Variants in LRCH3 observed in about 807,000 individuals in gnomAD.
LRCH3 encodes the protein DISP complex protein LRCH3.
LRCH3 carries 68 observed loss-of-function variants against 104.5 expected under a neutral mutation model. The observed-to-expected ratio is 0.65, with a 90% CI of 0.54 to 0.80. The LOEUF is 0.80. LRCH3 is among the 30% of genes least tolerant of loss of function. The pLI is 0.00. For synonymous variants in LRCH3, 344 were observed against 361.3 expected, an observed-to-expected ratio of 0.95 and a Z score of 0.54; for missense variants, 951 against 953.9, an observed-to-expected ratio of 1.00 and a Z score of 0.04.
intron 5 of LRCH3, among the ~76,000 whole-genome samples, chr3:197,828,703 CTTTTTTTTTTT>C: frequency 8.9e-6 from 1 of 112,836 alleles, no homozygotes; most frequent in African/African-American, 3.4e-5. Flanking sequence ...ATATGTTACT[CTTTTTTTTTTT>C]TTTTTTTTTT....
At chr3:197,853,221 A>G (rs1431747140) in intron 13 of LRCH3, among the ~76,000 whole-genome samples, 1 of 151,280 alleles carries the variant, frequency 6.6e-6, no homozygotes, top group Non-Finnish European at 1.5e-5. Flanking sequence ...ACAGAGTCTC[A>G]CTTTGTCACC....
In LRCH3 at chr3:197,847,994, G is replaced by A; in HGVS notation, c.1503G>A (p.Gln501=). ...AGAAAATAAGGACCAAGCAGATCCA[G>A]AGAGATGCTGTCCTGGACTTTGTCA... ...EEEKIRTKQI[Q]RDAVLDFVKQ... Residue 501 remains glutamine (Q), a synonymous_variant, in exon 12 of 21, where the codon CAG becomes CAA. Transcript: ENST00000425562. The A allele has an allele frequency of 1.2e-6, 2 of 1,614,172 alleles. No homozygotes were observed. Among genetic ancestry groups the A allele is most frequent in the Non-Finnish European group, 1.7e-6 (2 of 1,180,020 alleles).
At chr3:197,792,792 C>G (rs1730767545) in intron 1 of LRCH3, among the ~76,000 whole-genome samples, 1 of 150,842 alleles carries the variant, frequency 6.6e-6, no homozygotes, top group Non-Finnish European at 1.5e-5. Context: ...GCTGGGACTA[C>G]AGGCGCCCGC....
intron 13 of LRCH3, 81 bp downstream of exon 13, chr3:197,852,701 T>C: frequency 7.2e-7 from 1 of 1,396,892 alleles, no homozygotes; most frequent in Non-Finnish European, 1.0e-6. Flanking sequence ...ATTGTCATGT[T>C]TTCAGTGCTC....
At chr3:197,840,792 A>G (rs535020958) in intron 10 of LRCH3, among the ~76,000 whole-genome samples, 1 of 152,306 alleles carries the variant, frequency 6.6e-6, no homozygotes, top group South Asian at 2.1e-4. Context: ...TAAATTTGAT[A>G]TGCTTTGAAA....
intron 20 of LRCH3, among the ~76,000 whole-genome samples, chr3:197,879,958 T>C (rs916564516): frequency 7.0e-6 from 1 of 142,798 alleles, no homozygotes; most frequent in Admixed American, 6.7e-5. Context: ...TTTTTTTTTT[T>C]TTTTTGAGAC....
chr3:197,840,622 A>T (rs1427398391), intron 10 of LRCH3, among the ~76,000 whole-genome samples: 1 of 152,198 alleles, frequency 6.6e-6, no homozygotes, highest in Admixed American at 6.5e-5. Context: ...TGGTACACCT[A>T]TTCTTAAGTG....
At chr3:197,835,632 CTGGTGTGTGTGTGTGTGT>C (rs1736675428) in intron 8 of LRCH3, 24 bp from the exon 9 acceptor site, 1 of 1,404,460 alleles carries the variant, frequency 7.1e-7, no homozygotes, top group African/African-American at 1.5e-5. Context: ...ATGTTTTTTT[CTGGTGTGTGTGTGTGTGT>C]GGGTGTGTGT....
At chr3:197,808,514 C>A (rs1732754616) in intron 1 of LRCH3, among the ~76,000 whole-genome samples, 2 of 152,306 alleles carry the variant, frequency 1.3e-5, no homozygotes, top group African/African-American at 4.8e-5. Context: ...CAGACTCTCT[C>A]AGTTTTCATT....
Position 197,824,712 on chromosome 3 carries a change from T to C in LRCH3, c.641-2166T>C, listed in dbSNP as rs553217908. 3.5e-4 allele frequency among the ~76,000 whole-genome samples: 53 copies of C among 150,660 alleles called. 3 individuals carry two copies. The East Asian group carries it at 9.6e-3, about 27-fold the overall frequency. Reference sequence around the variant, plus strand: ...TCAGCCTCCCAAGTAGCTGGGATTATAGGAGCCCGCCACCACGCCTGGCTA... The same window carrying C: ...TCAGCCTCCCAAGTAGCTGGGATTACAGGAGCCCGCCACCACGCCTGGCTA... On this transcript the variant is annotated intron_variant, in intron 4 of 20. Transcript: ENST00000425562.
chr3:197,802,261 C>T (rs114294304), intron 1 of LRCH3, among the ~76,000 whole-genome samples: 4,172 of 152,240 alleles, frequency 0.027, 99 homozygotes, highest in Middle Eastern at 0.041. Context: ...ATTCACAGTT[C>T]CAGGAATTAG....
chr3:197,867,899 C>T (rs1711539618), intron 17 of LRCH3, among the ~76,000 whole-genome samples: 1 of 151,700 alleles, frequency 6.6e-6, no homozygotes, highest in Non-Finnish European at 1.5e-5. Context: ...TGGTGCAGGC[C>T]TGTAGTCACA....
At chr3:197,812,003 CAT>C (rs1733178265) in intron 1 of LRCH3, among the ~76,000 whole-genome samples, 1 of 152,158 alleles carries the variant, frequency 6.6e-6, no homozygotes. Context: ...TTGAGTACTA[CAT>C]GTTTGATTTT....
rs774776846 is a variant in LRCH3, at chr3:197,826,996, A to G, written c.759A>G (p.Leu253=). 10 of 1,614,026 alleles carry G rather than the reference A, an allele frequency of 6.2e-6. No homozygotes were observed. The highest frequency in any genetic ancestry group is 1.1e-5 in the South Asian group (1 of 91,080). The change falls in exon 5 of 21, where the codon CTA becomes CTG. Residue 253 remains leucine, a synonymous_variant. Coordinates refer to ENST00000425562, the MANE Select transcript of LRCH3 (RefSeq NM_001365715.1). ...LQTITLDNNP[L]QSPPAQICIK... is the part of the protein sequence containing the mutation. ...CGATCACCCTAGATAACAATCCACT[A>G]CAATCACCTCCTGCACAGGTAAACC...
At chr3:197,835,047 G>A (rs1280702194) in intron 8 of LRCH3, among the ~76,000 whole-genome samples, 1 of 152,098 alleles carries the variant, frequency 6.6e-6, no homozygotes, top group Non-Finnish European at 1.5e-5. Flanking sequence ...GGGAGGCTGA[G>A]GCAGGAGAAT....
intron 10 of LRCH3, among the ~76,000 whole-genome samples, chr3:197,846,568 A>C (rs902769862): frequency 9.2e-5 from 14 of 151,608 alleles, no homozygotes; most frequent in Non-Finnish European, 2.1e-4. Flanking sequence ...CAAAAAAAAC[A>C]AAGACAGCTG....
chr3:197,885,344 C>CT lies in LRCH3; in HGVS notation c.*1679dup, dbSNP rs1445399444. The CT allele has an allele frequency of 6.6e-6, 1 of 152,238 alleles. No individual in the cohort carries two copies. Among genetic ancestry groups the CT allele is most frequent in the Non-Finnish European group, 1.5e-5 (1 of 68,084 alleles). The allele number at this position is 152,238 out of a possible 1,614,324, so 9.4% of individuals were successfully genotyped here. A position where few individuals can be genotyped will look rare whatever the true frequency, so the allele number is the denominator to read the frequency against. ...GCATCTTCCTAGCTGGGTGTGGTGG[C>CT]TCACACCTGTAATCTCAGCACTTTG... On this transcript the variant is annotated 3_prime_UTR_variant, in exon 21 of 21. Coordinates refer to ENST00000425562, the MANE Select transcript of LRCH3 (RefSeq NM_001365715.1).
At chr3:197,826,638 C>G (rs1735238902) in intron 4 of LRCH3, among the ~76,000 whole-genome samples, 1 of 152,114 alleles carries the variant, frequency 6.6e-6, no homozygotes, top group South Asian at 2.1e-4. Flanking sequence ...CTGAGACTTT[C>G]TGTAGTTCTG....
rs1339400989 is a variant in LRCH3, at chr3:197,883,904, A to G, written c.*238A>G. ...TTCTCAGATGAAACTTCTCTTACTG[A>G]AAACCCAGCACCTAACTTGGCTGTG... On this transcript the variant is annotated 3_prime_UTR_variant, in exon 21 of 21. Transcript: ENST00000425562. This position sits in a 1 kb window ranked among gnomAD's most constrained non-coding sequence, Gnocchi z 4.2. 1 of 415,482 alleles carries G rather than the reference A, an allele frequency of 2.4e-6. No homozygotes were observed. 25.7% of individuals were successfully genotyped at this position (415,482 alleles called of 1,614,324 possible). A position where few individuals can be genotyped will look rare whatever the true frequency, so the allele number is the denominator to read the frequency against.
Sources: gnomAD v4.1 joint callset for allele counts (sites outside exome capture counted in the v4.1 genomes callset) on GRCh38, gnomAD v4.1.1 for gene constraint, Gnocchi (gnomAD v3.1) non-coding constraint, MANE v1.5 for transcripts, NCBI Gene and HGNC (gene_info 2026-07-23, HGNC 2026-07-21) for gene names.